Variants in HIVEP1 observed in about 807,000 individuals in gnomAD.
The protein encoded by HIVEP1 is zinc finger protein 40.
In HIVEP1, 36 loss-of-function variants were observed where a neutral mutation model predicts 180.0. The ratio of observed to expected loss-of-function variants is 0.20; its 90% CI spans 0.15 to 0.26. The LOEUF (loss-of-function observed/expected upper bound fraction) is 0.26. Ranked by LOEUF, HIVEP1 falls within the 10% of genes least tolerant of loss-of-function variation. HIVEP1 has a pLI of 1.00. For synonymous variants in HIVEP1, 1,239 were observed against 1,239.0 expected, an observed-to-expected ratio of 1.00 and a Z score of 0.00; for missense variants, 3,143 against 3,268.7, an observed-to-expected ratio of 0.96 and a Z score of 0.94.
the HIVEP1 span, among the ~76,000 whole-genome samples, chr6:12,205,267 C>T: frequency 6.6e-6 from 1 of 152,218 alleles, no homozygotes; most frequent in South Asian, 2.1e-4. Flanking sequence ...GTCGGGATAT[C>T]GAGACCATCC....
chr6:12,011,518 T>G, upstream of HIVEP1, among the ~76,000 whole-genome samples: 1 of 144,988 alleles, frequency 6.9e-6, no homozygotes. Flanking sequence ...CGTGTGCTGG[T>G]TCCCCAGGCG....
chr6:12,123,872 T>C lies in HIVEP1; in HGVS notation c.4077T>C (p.Cys1359=), dbSNP rs772531950. The C allele has an allele frequency of 1.2e-6, 2 of 1,614,076 alleles. No individual in the cohort carries two copies. Among genetic ancestry groups the C allele is most frequent in the African/African-American group, 2.7e-5 (2 of 75,056 alleles). Reference sequence around the variant, plus strand: ...TGAATACTCTGAATGTTCCTGGATGTCACCGGGAAATGAGGCGTACTGCAT... The same window carrying C: ...TGAATACTCTGAATGTTCCTGGATGCCACCGGGAAATGAGGCGTACTGCAT... The part of the protein sequence containing the change: ...AGLNTLNVPG[C]HREMRRTASE... The change falls in exon 4 of 9, where the codon TGT becomes TGC. Residue 1359 remains cysteine, a synonymous_variant. Transcript: ENST00000379388.
At chr6:12,136,939 T>G (rs141211008) in intron 7 of HIVEP1, among the ~76,000 whole-genome samples, 323 of 152,334 alleles carry the variant, frequency 2.1e-3, no homozygotes, top group African/African-American at 7.3e-3. Flanking sequence ...AATTAAACAT[T>G]TACGTGCTTG....
At chr6:12,066,467 T>A (rs1561906117) in intron 2 of HIVEP1, among the ~76,000 whole-genome samples, 1 of 152,188 alleles carries the variant, frequency 6.6e-6, no homozygotes. Flanking sequence ...TGATAAATGA[T>A]CAGAAAGCTA....
chr6:12,205,377 A>G, the HIVEP1 span, among the ~76,000 whole-genome samples: 1 of 152,086 alleles, frequency 6.6e-6, no homozygotes, highest in Non-Finnish European at 1.5e-5. Flanking sequence ...AGGCTGAAGC[A>G]GGAGAACGGC....
chr6:12,092,661 A>G (rs1449068014), intron 3 of HIVEP1, among the ~76,000 whole-genome samples: 1 of 152,166 alleles, frequency 6.6e-6, no homozygotes, highest in Non-Finnish European at 1.5e-5. Flanking sequence ...TTCATTTTGT[A>G]CTATCAAGTA....
rs73360188 is a variant in HIVEP1 at position 12,089,004 on chromosome 6, T to G, written c.41-180T>G. Among the ~76,000 whole-genome samples, 1,133 of 152,260 alleles carry G rather than the reference T, an allele frequency of 7.4e-3. 15 individuals carry two copies. The highest frequency in any genetic ancestry group is 0.025 in the African/African-American group (1,054 of 41,558). The stretch of plus-strand genomic sequence containing the variant: ...ATAGTCCTTGTGACTAAGAAATGAT[T>G]AAAATTATGAATTTAAAAGGGAATA... On this transcript the variant is annotated intron_variant, in intron 2 of 8. Transcript: ENST00000379388.
intron 3 of HIVEP1, among the ~76,000 whole-genome samples, chr6:12,114,815 T>C (rs1230710291): frequency 6.6e-6 from 1 of 152,224 alleles, no homozygotes; most frequent in Non-Finnish European, 1.5e-5. Flanking sequence ...AGTTTGAGAT[T>C]GATGCCTGAG....
intron 3 of HIVEP1, among the ~76,000 whole-genome samples, chr6:12,113,389 C>T (rs1356281403): frequency 1.3e-5 from 2 of 151,592 alleles, no homozygotes; most frequent in Non-Finnish European, 1.5e-5. Context: ...GTACAAATCC[C>T]AGGGGCAGCA....
chr6:12,066,942 C>T (rs1048664474), intron 2 of HIVEP1, among the ~76,000 whole-genome samples: 5 of 151,612 alleles, frequency 3.3e-5, no homozygotes, highest in African/African-American at 1.2e-4. Flanking sequence ...AATATATGTA[C>T]TGTTATTTAG....
chr6:12,042,073 T>C (rs1211630603), intron 2 of HIVEP1, among the ~76,000 whole-genome samples: 2 of 118,778 alleles, frequency 1.7e-5, no homozygotes, highest in Non-Finnish European at 3.4e-5. Flanking sequence ...ATTCGTACGC[T>C]TTTTTTTTTT....
At chr6:12,128,946 C>T (rs146183561) in intron 4 of HIVEP1, among the ~76,000 whole-genome samples, 4 of 152,306 alleles carry the variant, frequency 2.6e-5, no homozygotes, top group African/African-American at 4.8e-5. Context: ...CATGGTGGCT[C>T]ATGCCTGTAA....
At chr6:12,167,469 C>T (rs985174978), downstream of HIVEP1, among the ~76,000 whole-genome samples, 1 of 149,978 alleles carries the variant, frequency 6.7e-6, no homozygotes, top group African/African-American at 2.4e-5. Context: ...CTCAAAGTGA[C>T]TTCCCATGAC....
rs1274249140 is a variant in HIVEP1 at position 12,123,295 on chromosome 6, G to C, written c.3500G>C (p.Arg1167Thr). ...ASPVSFQELN[R>T]TGKSGSLKVI... ...CCAGTTTCTTTCCAGGAGCTGAATA[G>C]AACGGGGAAGTCCGGGTCTCTAAAA... The change falls in exon 4 of 9, where the codon AGA becomes ACA. Residue 1167 changes from arginine to threonine, a missense_variant. Physicochemically the swap from Arg to Thr is moderately conservative, Grantham distance 71. Coordinates refer to ENST00000379388, the MANE Select transcript of HIVEP1 (RefSeq NM_002114.4). 1.9e-6 allele frequency: 3 copies of C among 1,614,144 alleles called. No homozygotes were observed. Among genetic ancestry groups the C allele is most frequent in the East Asian group, 2.2e-5 (1 of 44,876 alleles).
chr6:12,024,023 C>G (rs1351521552), intron 2 of HIVEP1, among the ~76,000 whole-genome samples: 1 of 152,104 alleles, frequency 6.6e-6, no homozygotes, highest in East Asian at 1.9e-4. Context: ...TTTTCATGTA[C>G]ATATTTAACT....
At position 12,122,632 on chromosome 6, in the gene HIVEP1, T is replaced by G; in HGVS notation, c.2837T>G (p.Ile946Arg). 1.9e-6 allele frequency: 3 copies of G among 1,613,598 alleles called. No individual in the cohort carries two copies. Among genetic ancestry groups the G allele is most frequent in the Non-Finnish European group, 2.5e-6 (3 of 1,179,868 alleles). ...AAGGCACTGGCACAAGGCCCACATA[T>G]AGAAAAAAAGAAGTCTCATCAAGGG... ...RSKALAQGPH[I>R]EKKKSHQGRG... The change falls in exon 4 of 9, where the codon ATA (isoleucine) becomes AGA (arginine). Residue 946 changes from isoleucine to arginine, a missense_variant. By Grantham distance (97) the Ile-to-Arg change is moderately conservative (BLOSUM62 -3). This residue lies in a region of HIVEP1 where 204 missense variants were observed against 243.7 expected (regional missense o/e 0.84). Transcript: ENST00000379388.
downstream of HIVEP1, among the ~76,000 whole-genome samples, chr6:12,168,257 C>T (rs1378478678): frequency 3.2e-4 from 11 of 33,902 alleles, no homozygotes; most frequent in Admixed American, 2.3e-3. Flanking sequence ...TACAGATATA[C>T]GTGTATATAT....
At chr6:12,010,556 G>A (rs1050163658), upstream of HIVEP1, among the ~76,000 whole-genome samples, 21 of 151,912 alleles carry the variant, frequency 1.4e-4, no homozygotes, top group Non-Finnish European at 2.9e-4. Flanking sequence ...TTGTATGGTC[G>A]TTTAGCATTT....
chr6:12,037,765 G>A, intron 2 of HIVEP1: 1 of 451,946 alleles, frequency 2.2e-6, no homozygotes. Flanking sequence ...CAGTGGTGTA[G>A]TTGTAGCTCA....
Sources: allele counts gnomAD v4.1 joint callset (sites outside exome capture counted in the v4.1 genomes callset), GRCh38; gene constraint gnomAD v4.1.1; regional missense constraint gnomAD v4.1.1; transcripts MANE v1.5; gene names NCBI Gene and HGNC (gene_info 2026-07-23, HGNC 2026-07-21).